TENM4: variants seen among roughly 807,000 people sequenced by gnomAD.
The protein encoded by TENM4 is teneurin transmembrane protein 4.
Under a neutral mutation model 243.3 loss-of-function variants are expected in TENM4, and 82 were observed. The observed-to-expected ratio is 0.34, with a 90% CI of 0.28 to 0.40. The LOEUF is 0.40. TENM4 is among the 10% of genes least tolerant of loss of function. The pLI is 1.00. For synonymous variants in TENM4, 1,412 were observed against 1,456.3 expected (o/e 0.97, Z 0.69); for missense variants, 3,138 against 3,673.3 (o/e 0.85, Z 3.77).
At chr11:79,327,212 T>C (rs919162934) in intron 1 of TENM4, among the ~76,000 whole-genome samples, 3 of 152,166 alleles carry the variant, frequency 2.0e-5, no homozygotes, top group Non-Finnish European at 2.9e-5. Context: ...TAGAAATAGA[T>C]AATTTTAATG....
chr11:79,165,301 T>C (rs1182055783), intron 3 of TENM4, among the ~76,000 whole-genome samples: 1 of 152,128 alleles, frequency 6.6e-6, no homozygotes, highest in Admixed American at 6.6e-5. Context: ...CATGCCAATA[T>C]CTATTACTTT....
At chr11:78,962,492 C>T (rs1245441948) in intron 6 of TENM4, among the ~76,000 whole-genome samples, 3 of 141,730 alleles carry the variant, frequency 2.1e-5, no homozygotes, top group Non-Finnish European at 4.6e-5. Flanking sequence ...CTACTGCACA[C>T]GTGGGCCGGG....
At chr11:78,899,575 A>C (rs1243295161) in intron 7 of TENM4, among the ~76,000 whole-genome samples, 1 of 123,306 alleles carries the variant, frequency 8.1e-6, no homozygotes, top group African/African-American at 3.1e-5. Flanking sequence ...GGGGGGGAAA[A>C]AGAAAAAAGA....
Position 78,708,382 on chromosome 11 carries a change from A to C in TENM4, c.4188T>G (p.Asp1396Glu). The change falls in exon 27 of 34, where the codon GAT (aspartate) becomes GAG (glutamate). Residue 1396 changes from aspartate to glutamate, a missense_variant. Asp to Glu is a conservative substitution (Grantham distance 45, BLOSUM62 2). Transcript: ENST00000278550. ...TTACCTGGGAAATATCCATGACAGA[A>C]TCACAGCTGAGTGGCCGGGCTGATG... is the stretch of plus-strand genomic sequence containing the variant. ...DLTSARPLSC[D>E]SVMDISQVHL... 6.2e-7 allele frequency: 1 copy of C among 1,614,008 alleles called. No homozygotes were observed. The highest frequency in any genetic ancestry group is 1.1e-5 in the South Asian group (1 of 91,074).
At position 78,930,860 on chromosome 11, in the gene TENM4, A is replaced by T. The variant is rs144891439; in HGVS notation, c.494-27337T>A. ...CCCTGAGCGAAGAAAAATTCGACAC[A>T]CTCTAACCCTTCAGAGGCAGGAAGC... is the stretch of plus-strand genomic sequence containing the variant. On this transcript the variant is annotated intron_variant, in intron 6 of 33. Coordinates refer to ENST00000278550, the MANE Select transcript of TENM4 (RefSeq NM_001098816.3). Among the ~76,000 whole-genome samples the T allele has an allele frequency of 3.5e-3, 532 of 152,072 alleles. 2 individuals are homozygous for T. The highest frequency in any genetic ancestry group is 0.012 in the African/African-American group (510 of 41,442).
At chr11:78,763,229 C>G (rs1856468638) in intron 18 of TENM4, among the ~76,000 whole-genome samples, 1 of 152,292 alleles carries the variant, frequency 6.6e-6, no homozygotes, top group East Asian at 1.9e-4. Context: ...TTTCATTTTT[C>G]CTCATAGTTC....
chr11:78,805,550 C>G, intron 14 of TENM4, 58 bp from the exon 15 acceptor site: 1 of 1,536,530 alleles, frequency 6.5e-7, no homozygotes, highest in Admixed American at 2.0e-5. Context: ...GGTGAGGCTT[C>G]TTTAAGCAAA....
At chr11:79,181,752 G>A (rs1863285410) in intron 3 of TENM4, among the ~76,000 whole-genome samples, 1 of 151,410 alleles carries the variant, frequency 6.6e-6, no homozygotes, top group South Asian at 2.1e-4. Flanking sequence ...TTATAGCAAG[G>A]TTGCAGGATA....
chr11:78,990,897 A>C (rs1173565626), intron 6 of TENM4, among the ~76,000 whole-genome samples: 2 of 152,242 alleles, frequency 1.3e-5, no homozygotes, highest in Non-Finnish European at 1.5e-5. Flanking sequence ...CCATGTGTTA[A>C]CTTGCATAAT....
intron 1 of TENM4, among the ~76,000 whole-genome samples, chr11:79,391,470 G>A (rs930635736): frequency 3.3e-5 from 5 of 152,148 alleles, no homozygotes; most frequent in Admixed American, 1.3e-4. Context: ...ATTGATTTAT[G>A]CAGTCTCATA....
At position 79,023,878 on chromosome 11, in the gene TENM4, G is replaced by T. The variant is rs73504633; in HGVS notation, c.493+40860C>A. On this transcript the variant is annotated intron_variant, in intron 6 of 33. Coordinates refer to ENST00000278550, the MANE Select transcript of TENM4 (RefSeq NM_001098816.3). ...ATTCCCTGATGTGGCTTGATAGGCAGGGGTGGGCCTCATTCTTTGGCATTT... is the reference window on the plus strand; with the variant it reads ...ATTCCCTGATGTGGCTTGATAGGCATGGGTGGGCCTCATTCTTTGGCATTT... Among the ~76,000 whole-genome samples, 438 of 152,294 alleles carry T rather than the reference G, an allele frequency of 2.9e-3. 3 individuals carry two copies. The highest frequency in any genetic ancestry group is 9.9e-3 in the African/African-American group (413 of 41,556).
intron 28 of TENM4, among the ~76,000 whole-genome samples, chr11:78,692,471 G>A (rs890442727): frequency 1.3e-5 from 2 of 152,056 alleles, no homozygotes; most frequent in South Asian, 2.1e-4. Context: ...GACACATGAA[G>A]ACCAAAAGAG....
Position 78,657,926 on chromosome 11 carries a change from GAGTTACAATGCAACC to G in TENM4, c.*117_*131del. On this transcript the variant is annotated 3_prime_UTR_variant, in exon 34 of 34. Coordinates refer to ENST00000278550, the MANE Select transcript of TENM4 (RefSeq NM_001098816.3). ...TTTTCTAAAAAAAAGGATGTTGCAT[GAGTTACAATGCAACC>G]AGTATCTTTTTGTTTCTGCACTTGT... is the stretch of plus-strand genomic sequence containing the variant. 2.9e-6 allele frequency: 4 copies of G among 1,359,054 alleles called. No individual in the cohort carries two copies. Among genetic ancestry groups the G allele is most frequent in the Non-Finnish European group, 4.2e-6 (4 of 958,388 alleles). The allele number at this position is 1,359,054 out of a possible 1,614,324, so 84.2% of individuals were successfully genotyped here. A position where few individuals can be genotyped will look rare whatever the true frequency, so the allele number is the denominator to read the frequency against.
chr11:79,031,157 T>C (rs1300829747), intron 6 of TENM4, among the ~76,000 whole-genome samples: 1 of 152,024 alleles, frequency 6.6e-6, no homozygotes, highest in Admixed American at 6.6e-5. Context: ...ACTTAGCAAA[T>C]GATGTCACAG....
At chr11:79,303,717 C>T (rs535240509) in intron 1 of TENM4, among the ~76,000 whole-genome samples, 7 of 152,256 alleles carry the variant, frequency 4.6e-5, no homozygotes, top group Admixed American at 1.3e-4. Context: ...TGCTCTAAAC[C>T]ATTAGACTAT....
intron 3 of TENM4, among the ~76,000 whole-genome samples, chr11:79,165,201 CT>C (rs992953510): frequency 6.6e-6 from 1 of 152,004 alleles, no homozygotes; most frequent in African/African-American, 2.4e-5. Flanking sequence ...ACTTTTAGTT[CT>C]TTAAGGAATC....
intron 6 of TENM4, among the ~76,000 whole-genome samples, chr11:79,020,795 T>A (rs1238798429): frequency 6.6e-6 from 1 of 152,208 alleles, no homozygotes; most frequent in Non-Finnish European, 1.5e-5. Context: ...TCCCCTGAAC[T>A]GCTCAGTTCA....
chr11:79,050,417 T>TGA (rs1334144101), intron 6 of TENM4, among the ~76,000 whole-genome samples: 2 of 152,126 alleles, frequency 1.3e-5, no homozygotes, highest in Non-Finnish European at 2.9e-5. Context: ...GCATGTAGAG[T>TGA]GAGAGAGAGA....
At chr11:78,763,254 CT>C (rs1415542274) in intron 18 of TENM4, among the ~76,000 whole-genome samples, 1 of 152,234 alleles carries the variant, frequency 6.6e-6, no homozygotes, top group Admixed American at 6.5e-5. Context: ...CACACACCCC[CT>C]TTTACATGGT....
Sources: allele counts gnomAD v4.1 joint callset (sites outside exome capture counted in the v4.1 genomes callset), GRCh38; gene constraint gnomAD v4.1.1; transcripts MANE v1.5; gene names NCBI Gene and HGNC (gene_info 2026-07-23, HGNC 2026-07-21).